The following ARHGEF9 variants were observed in gnomAD, a reference collection of about 807,000 sequenced individuals.
ARHGEF9 encodes the protein Cdc42 guanine nucleotide exchange factor 9.
ARHGEF9 carries 2 observed loss-of-function variants against 41.3 expected under a neutral mutation model. That is an observed-to-expected ratio of 0.05 (90% CI 0.02 to 0.15). The LOEUF (loss-of-function observed/expected upper bound fraction) is 0.15. ARHGEF9 is among the 10% of genes least tolerant of loss of function. The pLI, the probability that ARHGEF9 is intolerant of heterozygous loss-of-function variation, is 1.00. For synonymous variants in ARHGEF9, 160 were observed against 154.4 expected (o/e 1.04, Z -0.27); for missense variants, 225 against 424.7 (o/e 0.53, Z 4.13).
rs143213808 is a variant in ARHGEF9, at chrX:63,687,312, A to C, written c.583-8740T>G. On this transcript the variant is annotated intron_variant, in intron 4 of 9. Coordinates refer to ENST00000671741, the MANE Select transcript of ARHGEF9 (RefSeq NM_001353921.2). Reference sequence around the variant, plus strand: ...CAAATCTGGGTTCAGGGTGCCATCTAGTGTTGAAAAGGAGGCAGTGATCTC... The same window carrying C: ...CAAATCTGGGTTCAGGGTGCCATCTCGTGTTGAAAAGGAGGCAGTGATCTC... Among the ~76,000 whole-genome samples, 21 of 111,576 alleles carry C rather than the reference A, an allele frequency of 1.9e-4. No individual in the cohort carries two copies. The East Asian group carries it at 5.9e-3, about 32-fold the overall frequency.
At chrX:63,724,827 T>A in intron 1 of ARHGEF9, 116 bp from the exon 2 acceptor site, 1 of 743,000 alleles carries the variant, frequency 1.3e-6, no homozygotes. Flanking sequence ...TGGTGAGAGA[T>A]AGGGGTGAGG....
chrX:63,709,938 T>C (rs1437992374), intron 2 of ARHGEF9, among the ~76,000 whole-genome samples: 1 of 111,421 alleles, frequency 9.0e-6, no homozygotes, highest in Non-Finnish European at 1.9e-5. Flanking sequence ...TACCCATATC[T>C]TTAATGTGCA....
At chrX:63,678,790 A>G (rs1199206939) in intron 4 of ARHGEF9, among the ~76,000 whole-genome samples, 1 of 111,952 alleles carries the variant, frequency 8.9e-6, no homozygotes, top group Non-Finnish European at 1.9e-5. Context: ...AAATGAGTAC[A>G]TAGGAATAGT....
chrX:63,769,185 C>T lies in ARHGEF9; in HGVS notation c.30+15931G>A, dbSNP rs529408505. Among the ~76,000 whole-genome samples, 8 of 111,437 alleles carry T rather than the reference C, an allele frequency of 7.2e-5. No homozygotes were observed. The South Asian group carries it at 3.0e-3, about 41-fold the overall frequency. On this transcript the variant is annotated intron_variant, in intron 1 of 9. Transcript: ENST00000671741. ...TCCAGCTGTGGTGGTCTCAGATAAA[C>T]ATAAGGATCTTGTTGGTAACTGAAG...
In ARHGEF9 at chrX:63,677,853, A is replaced by AGCT. The variant is rs2050363591; in HGVS notation, c.815+486_815+487insAGC. Among the ~76,000 whole-genome samples, 3 of 111,995 alleles carry AGCT rather than the reference A, an allele frequency of 2.7e-5. No individual in the cohort carries two copies. The Admixed American group carries it at 2.8e-4, about 11-fold the overall frequency. On this transcript the variant is annotated intron_variant, in intron 5 of 9. Transcript: ENST00000671741. ...CTAACATAGCTTTGAGCTATGCTTA[A>AGCT]AAACTTTTTTCTGGAACTTTTAAGA...
At chrX:63,644,956 G>T (rs1240075609) in intron 8 of ARHGEF9, among the ~76,000 whole-genome samples, 1 of 108,213 alleles carries the variant, frequency 9.2e-6, no homozygotes. Flanking sequence ...GTTATTTTTT[G>T]TAGACACGAG....
At chrX:63,784,043 A>G (rs1211327864) in intron 1 of ARHGEF9, among the ~76,000 whole-genome samples, 4 of 112,086 alleles carry the variant, frequency 3.6e-5, no homozygotes, top group Admixed American at 9.4e-5. Flanking sequence ...CCCCTCCACA[A>G]TGAAAGCAAA....
intron 1 of ARHGEF9, among the ~76,000 whole-genome samples, chrX:63,768,075 C>G (rs563310566): frequency 2.1e-4 from 24 of 111,728 alleles, no homozygotes; most frequent in Non-Finnish European, 4.3e-4. Context: ...TTTAGTGCAC[C>G]AGCCACCCAA....
At chrX:63,688,881 G>A (rs1292257037) in intron 4 of ARHGEF9, among the ~76,000 whole-genome samples, 2 of 112,361 alleles carry the variant, frequency 1.8e-5, no homozygotes. Flanking sequence ...AAATTTTAGA[G>A]ATTTTAGTTT....
At chrX:63,732,465 C>A (rs2054363382) in intron 1 of ARHGEF9, among the ~76,000 whole-genome samples, 1 of 111,441 alleles carries the variant, frequency 9.0e-6, no homozygotes, top group South Asian at 3.8e-4. Flanking sequence ...CTGTCTTATC[C>A]TGGTCCTCAT....
chrX:63,643,120 GTT>G (rs1556308154), intron 9 of ARHGEF9, among the ~76,000 whole-genome samples: 2 of 112,193 alleles, frequency 1.8e-5, no homozygotes, highest in East Asian at 5.6e-4. Context: ...CCTTCCCTTT[GTT>G]TGGCTGAGCA....
At chrX:63,754,901 A>G (rs1556445307) in intron 1 of ARHGEF9, 1 of 937,913 alleles carries the variant, frequency 1.1e-6, no homozygotes, top group Non-Finnish European at 1.3e-6. Flanking sequence ...CTAGCTTTCA[A>G]AGGGAAAGGC....
intron 6 of ARHGEF9, among the ~76,000 whole-genome samples, chrX:63,672,940 G>A (rs1207472904): frequency 8.9e-6 from 1 of 111,878 alleles, no homozygotes; most frequent in Non-Finnish European, 1.9e-5. Flanking sequence ...AAGAGAATGA[G>A]GGTCTCTTCA....
intron 3 of ARHGEF9, among the ~76,000 whole-genome samples, chrX:63,704,208 T>G (rs1461129930): frequency 1.8e-5 from 2 of 112,353 alleles, no homozygotes; most frequent in Non-Finnish European, 3.8e-5. Context: ...TACTTAATTT[T>G]ATGAAAAACA....
Position 63,635,176 on chromosome X carries a change from C to G in ARHGEF9, c.*2852G>C, listed in dbSNP as rs1274621550. 1 of 340,717 alleles carries G rather than the reference C, an allele frequency of 2.9e-6. No individual in the cohort carries two copies. Among genetic ancestry groups the G allele is most frequent in the African/African-American group, 2.8e-5 (1 of 36,126 alleles). The allele number at this position is 340,717 out of a possible 1,213,427, so 28.1% of individuals were successfully genotyped here. A position where few individuals can be genotyped will look rare whatever the true frequency, so the allele number is the denominator to read the frequency against. The stretch of plus-strand genomic sequence containing the variant: ...TGTTGCCCATCCATCCACCCCAGCC[C>G]ACCCCATCCCCAAAGCACTAAAAGA... On this transcript the variant is annotated 3_prime_UTR_variant, in exon 10 of 10. Coordinates refer to ENST00000671741, the MANE Select transcript of ARHGEF9 (RefSeq NM_001353921.2).
At chrX:63,693,609 C>T (rs183675216) in intron 4 of ARHGEF9, among the ~76,000 whole-genome samples, 48 of 72,319 alleles carry the variant, frequency 6.6e-4, no homozygotes, top group African/African-American at 3.4e-3. Context: ...GAGATTCCAT[C>T]TCAAAAAAAA....
chrX:63,699,959 G>C (rs1264016345), intron 3 of ARHGEF9, among the ~76,000 whole-genome samples: 1 of 111,814 alleles, frequency 8.9e-6, no homozygotes, highest in East Asian at 2.8e-4. Context: ...GATTCTGGCT[G>C]GTTTTTGTTC....
At chrX:63,661,034 G>A (rs2049180018) in intron 7 of ARHGEF9, among the ~76,000 whole-genome samples, 1 of 111,837 alleles carries the variant, frequency 8.9e-6, no homozygotes, top group Non-Finnish European at 1.9e-5. Context: ...TTGACACTGA[G>A]GAAAATAAGG....
chrX:63,655,678 C>T lies in ARHGEF9; in HGVS notation c.1137G>A (p.Glu379=). 8.3e-7 allele frequency: 1 copy of T among 1,210,516 alleles called. No homozygotes were observed. Among genetic ancestry groups the T allele is most frequent in the South Asian group, 1.8e-5 (1 of 56,951 alleles). Reference sequence around the variant, plus strand: ...CTCTGCCATCCTCAATGTCAACTACCTCATATTTATCCATGTCAATGCGGC... The same window carrying T: ...CTCTGCCATCCTCAATGTCAACTACTTCATATTTATCCATGTCAATGCGGC... ...YKGRIDMDKY[E]VVDIEDGRDD... Residue 379 remains glutamate (E), a synonymous_variant, in exon 8 of 10, where the codon GAG becomes GAA. Transcript: ENST00000671741.
Sources: allele counts gnomAD v4.1 joint callset (sites outside exome capture counted in the v4.1 genomes callset), GRCh38; gene constraint gnomAD v4.1.1; transcripts MANE v1.5; gene names NCBI Gene and HGNC (gene_info 2026-07-23, HGNC 2026-07-21).